CLEC4A: variants seen among roughly 807,000 people sequenced by gnomAD.
CLEC4A encodes C-type (calcium dependent, carbohydrate-recognition domain) lectin, superfamily member 6.
CLEC4A carries 27 observed loss-of-function variants against 32.7 expected under a neutral mutation model. The observed-to-expected ratio is 0.83, with a 90% CI of 0.61 to 1.14. The LOEUF (loss-of-function observed/expected upper bound fraction) is 1.14. Ranked by LOEUF, CLEC4A falls within the 50% of genes most tolerant of loss-of-function variation. The pLI, the probability that CLEC4A is intolerant of heterozygous loss-of-function variation, is 0.00. For missense variants in CLEC4A, 253 were observed against 274.6 expected (o/e 0.92, Z 0.55); for synonymous variants, 89 against 93.7 (o/e 0.95, Z 0.29).
the CLEC4A span, among the ~76,000 whole-genome samples, chr12:8,114,280 T>C: frequency 6.6e-6 from 1 of 152,170 alleles, no homozygotes; most frequent in Admixed American, 6.5e-5. Flanking sequence ...AGTCTTGCTC[T>C]GTCGCCCAGG....
chr12:8,129,619 C>T (rs759071246), intron 3 of CLEC4A, among the ~76,000 whole-genome samples: 2 of 152,150 alleles, frequency 1.3e-5, no homozygotes, highest in South Asian at 4.2e-4. Context: ...GGTGAAACCC[C>T]GTCTCCACTA....
upstream of CLEC4A, among the ~76,000 whole-genome samples, chr12:8,120,015 A>T (rs1191856436): frequency 6.6e-6 from 1 of 152,216 alleles, no homozygotes; most frequent in Non-Finnish European, 1.5e-5. Flanking sequence ...AGAGGGAGAG[A>T]TGCATGGGGT....
Position 8,136,777 on chromosome 12 carries a change from TC to T in CLEC4A, c.451-5del. On this transcript the variant is annotated splice_polypyrimidine_tract_variant and intron_variant, in intron 4 of 5. Coordinates refer to ENST00000229332, the MANE Select transcript of CLEC4A (RefSeq NM_016184.4). ...CTGTAAAGGCTGTGACTCCTTCTTT[TC>T]CCCCCTCAGGATTTCATCTTCCAGA... 1 of 1,555,388 alleles carries T rather than the reference TC, an allele frequency of 6.4e-7. No individual in the cohort carries two copies. The highest frequency in any genetic ancestry group is 8.9e-7 in the Non-Finnish European group (1 of 1,126,938).
At chr12:8,133,282 C>A (rs936597480) in intron 3 of CLEC4A, among the ~76,000 whole-genome samples, 7 of 151,958 alleles carry the variant, frequency 4.6e-5, no homozygotes, top group Admixed American at 2.0e-4. Flanking sequence ...AACTCCCGAC[C>A]ACAGGTGATC....
the CLEC4A span, among the ~76,000 whole-genome samples, chr12:8,103,373 G>GTTTTTTTTTT: frequency 4.7e-3 from 368 of 77,868 alleles, 25 homozygotes; most frequent in Middle Eastern, 0.017. Context: ...GTTTCTTTCT[G>GTTTTTTTTTT]TTGTTTTTTT....
the CLEC4A span, among the ~76,000 whole-genome samples, chr12:8,115,067 C>T: frequency 2.0e-4 from 31 of 152,302 alleles, no homozygotes; most frequent in African/African-American, 7.0e-4. Flanking sequence ...GTTCAAGCAC[C>T]GCTAGTTTAT....
At chr12:8,120,144 A>G (rs1211233594), upstream of CLEC4A, among the ~76,000 whole-genome samples, 1 of 152,204 alleles carries the variant, frequency 6.6e-6, no homozygotes, top group Non-Finnish European at 1.5e-5. Flanking sequence ...TTCAGTGCCC[A>G]GAGTTTTTAC....
At chr12:8,127,443 C>T (rs1947921009) in intron 2 of CLEC4A, among the ~76,000 whole-genome samples, 1 of 152,198 alleles carries the variant, frequency 6.6e-6, no homozygotes, top group Admixed American at 6.5e-5. Flanking sequence ...ATTGAAGAAG[C>T]TGCAAAATCA....
chr12:8,129,716 G>A (rs1257919012), intron 3 of CLEC4A, among the ~76,000 whole-genome samples: 4 of 150,794 alleles, frequency 2.7e-5, no homozygotes, highest in South Asian at 2.2e-4. Flanking sequence ...GCTTGAACCC[G>A]GGAGGCAGAG....
chr12:8,131,752 C>T (rs1947999168), intron 3 of CLEC4A, among the ~76,000 whole-genome samples: 1 of 151,866 alleles, frequency 6.6e-6, no homozygotes. Context: ...TGATATTTGT[C>T]TCTTTTATTC....
chr12:8,133,146 C>T (rs1243231486), intron 3 of CLEC4A, among the ~76,000 whole-genome samples: 4 of 152,196 alleles, frequency 2.6e-5, no homozygotes, highest in Non-Finnish European at 4.4e-5. Context: ...AACTTCTCAT[C>T]TCAGGTGATC....
the CLEC4A span, among the ~76,000 whole-genome samples, chr12:8,114,063 G>GT: frequency 2.0e-5 from 3 of 152,288 alleles, no homozygotes; most frequent in South Asian, 6.2e-4. Context: ...GAGGCAAGGT[G>GT]TTATCAGGTT....
intron 3 of CLEC4A, chr12:8,134,499 G>A: frequency 6.2e-7 from 1 of 1,613,902 alleles, no homozygotes; most frequent in Non-Finnish European, 8.5e-7. Context: ...GGCACCAGAG[G>A]GGACGGTGCA....
At chr12:8,131,306 C>T (rs768017908) in intron 3 of CLEC4A, among the ~76,000 whole-genome samples, 29 of 152,296 alleles carry the variant, frequency 1.9e-4, no homozygotes, top group Non-Finnish European at 3.7e-4. Flanking sequence ...GTTCAGTCCA[C>T]ACTTAAGGAC....
chr12:8,122,910 G>A (rs924404666), upstream of CLEC4A, among the ~76,000 whole-genome samples: 1 of 152,226 alleles, frequency 6.6e-6, no homozygotes, highest in Admixed American at 6.5e-5. Context: ...GCGGAGAGTT[G>A]AGGGCAGAGA....
chr12:8,114,291 C>T, the CLEC4A span, among the ~76,000 whole-genome samples: 1 of 152,046 alleles, frequency 6.6e-6, no homozygotes, highest in Non-Finnish European at 1.5e-5. Flanking sequence ...GTCGCCCAGG[C>T]TGGAGTGCAG....
intron 3 of CLEC4A, among the ~76,000 whole-genome samples, chr12:8,129,723 A>G (rs1049093195): frequency 1.3e-5 from 2 of 151,892 alleles, no homozygotes; most frequent in Non-Finnish European, 2.9e-5. Flanking sequence ...CCCGGGAGGC[A>G]GAGGTTGCAG....
chr12:8,135,544 A>T (rs752841608), intron 3 of CLEC4A, 41 bp from the exon 4 acceptor site: 23 of 1,603,618 alleles, frequency 1.4e-5, no homozygotes, highest in Non-Finnish European at 2.0e-5. Context: ...TTTAAGAGTG[A>T]TTATTTATAT....
chr12:8,134,566 C>T (rs1359187039), intron 3 of CLEC4A: 49 of 1,613,424 alleles, frequency 3.0e-5, no homozygotes, highest in Non-Finnish European at 3.6e-5. Context: ...GCTTCGCCCT[C>T]AGGCTGAGAG....
Sources: gnomAD v4.1 joint callset for allele counts (sites outside exome capture counted in the v4.1 genomes callset) on GRCh38, gnomAD v4.1.1 for gene constraint, MANE v1.5 for transcripts, NCBI Gene and HGNC (gene_info 2026-07-23, HGNC 2026-07-21) for gene names.